RALGPS2: variants seen among roughly 807,000 people sequenced by gnomAD.
RALGPS2 encodes the protein ras-specific guanine nucleotide-releasing factor RalGPS2.
Under a neutral mutation model 86.8 loss-of-function variants are expected in RALGPS2, and 43 were observed. That is an observed-to-expected ratio of 0.50 (90% CI 0.39 to 0.64). The LOEUF is 0.64. Ranked by LOEUF, RALGPS2 falls within the 30% of genes least tolerant of loss-of-function variation. The pLI is 0.00. For missense variants in RALGPS2, 536 were observed against 694.6 expected (o/e 0.77, Z 2.57); for synonymous variants, 243 against 231.3 (o/e 1.05, Z -0.46).
intron 6 of RALGPS2, among the ~76,000 whole-genome samples, chr1:178,815,050 G>A (rs183947218): frequency 4.6e-5 from 7 of 151,796 alleles, no homozygotes; most frequent in Non-Finnish European, 7.4e-5. Flanking sequence ...GTCTTTTATT[G>A]TGTGTGTTTT....
intron 8 of RALGPS2, among the ~76,000 whole-genome samples, chr1:178,867,625 T>C (rs1658497068): frequency 6.6e-6 from 1 of 152,026 alleles, no homozygotes. Flanking sequence ...TGCCTTTTCC[T>C]GGTTTATGTC....
intron 8 of RALGPS2, among the ~76,000 whole-genome samples, chr1:178,856,750 T>C (rs1259194413): frequency 6.6e-6 from 1 of 152,170 alleles, no homozygotes; most frequent in Non-Finnish European, 1.5e-5. Flanking sequence ...GTAGCTTATT[T>C]AATGTCTGCT....
chr1:178,772,288 G>C (rs1298150596), intron 1 of RALGPS2, among the ~76,000 whole-genome samples: 1 of 152,098 alleles, frequency 6.6e-6, no homozygotes, highest in Non-Finnish European at 1.5e-5. Context: ...GAACTTTTAT[G>C]GGGTAGTCTT....
At chr1:178,798,001 A>T (rs2102162508) in intron 4 of RALGPS2, among the ~76,000 whole-genome samples, 1 of 151,638 alleles carries the variant, frequency 6.6e-6, no homozygotes, top group Non-Finnish European at 1.5e-5. Context: ...AAAAAAAAAA[A>T]AAAACCACAT....
intron 1 of RALGPS2, chr1:178,747,157 G>T: frequency 9.9e-7 from 1 of 1,007,210 alleles, no homozygotes; most frequent in Non-Finnish European, 1.6e-6. Flanking sequence ...CAAGACAAGT[G>T]TCTACCAGAG....
At chr1:178,832,202 G>A (rs1004392770) in intron 7 of RALGPS2, among the ~76,000 whole-genome samples, 5 of 152,080 alleles carry the variant, frequency 3.3e-5, no homozygotes, top group Admixed American at 2.0e-4. Flanking sequence ...TTGTAAAACC[G>A]CTGTTTTAGA....
At chr1:178,859,079 G>A (rs530495052) in intron 8 of RALGPS2, among the ~76,000 whole-genome samples, 1 of 152,204 alleles carries the variant, frequency 6.6e-6, no homozygotes, top group East Asian at 1.9e-4. Flanking sequence ...GGGTCTTTCT[G>A]TAATAATATG....
chr1:178,734,090 G>C (rs1285095010), intron 1 of RALGPS2, among the ~76,000 whole-genome samples: 1 of 152,124 alleles, frequency 6.6e-6, no homozygotes, highest in Non-Finnish European at 1.5e-5. Context: ...ATAAACAAGT[G>C]GCCAATAAGC....
intron 1 of RALGPS2, among the ~76,000 whole-genome samples, chr1:178,734,736 C>G (rs1459105214): frequency 6.6e-6 from 1 of 151,838 alleles, no homozygotes; most frequent in African/African-American, 2.4e-5. Flanking sequence ...ATGTTGCACA[C>G]TAAATGTAAA....
At chr1:178,809,162 T>C (rs114649150) in intron 5 of RALGPS2, among the ~76,000 whole-genome samples, 5,474 of 152,314 alleles carry the variant, frequency 0.036, 118 homozygotes, top group African/African-American at 0.055. Context: ...CAAATTCTTA[T>C]GAAAGAGTTT....
At chr1:178,833,841 G>C in intron 8 of RALGPS2, among the ~76,000 whole-genome samples, 1 of 152,192 alleles carries the variant, frequency 6.6e-6, no homozygotes, top group Middle Eastern at 3.4e-3. Flanking sequence ...TGCTTTTAAA[G>C]AATATAATAG....
chr1:178,862,244 A>G (rs955507621), intron 8 of RALGPS2, among the ~76,000 whole-genome samples: 1 of 151,984 alleles, frequency 6.6e-6, no homozygotes, highest in African/African-American at 2.4e-5. Flanking sequence ...AACTTAGAAC[A>G]GTATAAAATG....
intron 7 of RALGPS2, among the ~76,000 whole-genome samples, chr1:178,825,626 A>G (rs776379289): frequency 6.6e-6 from 1 of 152,170 alleles, no homozygotes; most frequent in Non-Finnish European, 1.5e-5. Flanking sequence ...TTGTAGATCT[A>G]TAAATGACAG....
At chr1:178,878,117 T>C (rs1392959425) in intron 9 of RALGPS2, among the ~76,000 whole-genome samples, 1 of 152,156 alleles carries the variant, frequency 6.6e-6, no homozygotes, top group Admixed American at 6.5e-5. Context: ...ATTGACCAAC[T>C]TTCTTGAGTC....
chr1:178,740,726 T>C (rs1650972309), intron 1 of RALGPS2, among the ~76,000 whole-genome samples: 1 of 152,170 alleles, frequency 6.6e-6, no homozygotes, highest in South Asian at 2.1e-4. Flanking sequence ...GCACTGTAGA[T>C]ACTGTTCTTC....
rs1025203833 is a variant in RALGPS2 at position 178,853,716 on chromosome 1, C to A, written c.607+20166C>A. ...AACTGCATTGGTCCATTGCTGTTTT[C>A]AGGTTTAATCATATAAATCCCACTG... On this transcript the variant is annotated intron_variant, in intron 8 of 19. Transcript: ENST00000367635. 3 of 1,611,366 alleles carry A rather than the reference C, an allele frequency of 1.9e-6. No individual in the cohort carries two copies. In the African/African-American group the frequency reaches 4.0e-5, roughly 22 times the overall value.
intron 4 of RALGPS2, among the ~76,000 whole-genome samples, chr1:178,807,458 C>T (rs1654796031): frequency 6.6e-6 from 1 of 152,214 alleles, no homozygotes; most frequent in Admixed American, 6.5e-5. Flanking sequence ...AACTACATCA[C>T]ATGTGTTGCC....
chr1:178,885,483 C>A, intron 12 of RALGPS2: 1 of 303,004 alleles, frequency 3.3e-6, no homozygotes, highest in South Asian at 7.5e-5. Context: ...ATCAGGATAG[C>A]AATATACCTT....
At chr1:178,836,163 A>T (rs535374018) in intron 8 of RALGPS2, among the ~76,000 whole-genome samples, 1 of 152,310 alleles carries the variant, frequency 6.6e-6, no homozygotes, top group South Asian at 2.1e-4. Context: ...GGAAGAAAGC[A>T]CTAGCCAAGT....
Sources: gnomAD v4.1 joint callset for allele counts (sites outside exome capture counted in the v4.1 genomes callset) on GRCh38, gnomAD v4.1.1 for gene constraint, MANE v1.5 for transcripts, NCBI Gene and HGNC (gene_info 2026-07-23, HGNC 2026-07-21) for gene names.